The following UST variants were observed in gnomAD, a reference collection of about 807,000 sequenced individuals.
The protein encoded by UST is chondroitin sulfate 2-O-sulfotransferase.
Under a neutral mutation model 45.6 loss-of-function variants are expected in UST, and 21 were observed. That is an observed-to-expected ratio of 0.46 (90% CI 0.33 to 0.66). The LOEUF is 0.66. Ranked by LOEUF, UST falls within the 30% of genes least tolerant of loss-of-function variation. The pLI is 0.02. For missense variants in UST, 463 were observed against 512.4 expected, an observed-to-expected ratio of 0.90 and a Z score of 0.93; for synonymous variants, 215 against 200.6, an observed-to-expected ratio of 1.07 and a Z score of -0.61.
At chr6:149,010,731 A>G (rs1775791761) in intron 5 of UST, among the ~76,000 whole-genome samples, 1 of 151,746 alleles carries the variant, frequency 6.6e-6, no homozygotes, top group African/African-American at 2.4e-5. Context: ...TATCTCTACT[A>G]AAAATACAAA....
At chr6:148,819,387 A>G (rs572312869) in intron 1 of UST, among the ~76,000 whole-genome samples, 1 of 152,396 alleles carries the variant, frequency 6.6e-6, no homozygotes, top group Admixed American at 6.5e-5. Flanking sequence ...CCCTGGGGTC[A>G]GAAAACTAAG....
intron 3 of UST, among the ~76,000 whole-genome samples, chr6:148,941,724 G>A (rs763727125): frequency 6.6e-6 from 1 of 152,108 alleles, no homozygotes; most frequent in Non-Finnish European, 1.5e-5. Context: ...ATCTCAAAGA[G>A]TCATACCACC....
intron 5 of UST, among the ~76,000 whole-genome samples, chr6:148,989,217 C>T (rs545569051): frequency 1.1e-5 from 1 of 91,136 alleles, no homozygotes; most frequent in Non-Finnish European, 2.6e-5. Context: ...AGGCCCCCCC[C>T]CACCCCCCGC....
At chr6:148,999,309 A>G (rs566814669) in intron 5 of UST, among the ~76,000 whole-genome samples, 49 of 152,350 alleles carry the variant, frequency 3.2e-4, no homozygotes, top group African/African-American at 1.1e-3. Flanking sequence ...CATAATTCAA[A>G]TAAAAATTTC....
chr6:148,877,608 G>GGGGA (rs1778704441), intron 1 of UST, among the ~76,000 whole-genome samples: 4 of 141,732 alleles, frequency 2.8e-5, no homozygotes, highest in Admixed American at 7.0e-5. Context: ...GTATGAGTGG[G>GGGGA]TCGTGTATGA....
At chr6:148,780,330 A>T (rs966629171) in intron 1 of UST, among the ~76,000 whole-genome samples, 8 of 152,074 alleles carry the variant, frequency 5.3e-5, no homozygotes, top group Admixed American at 3.3e-4. Context: ...CAGGTTTGTT[A>T]TATAGGTAAA....
At chr6:148,995,001 G>A (rs919016934) in intron 5 of UST, among the ~76,000 whole-genome samples, 2 of 151,918 alleles carry the variant, frequency 1.3e-5, no homozygotes, top group Non-Finnish European at 2.9e-5. Context: ...TAGCCATCCT[G>A]TAAAAGAATT....
chr6:149,025,000 A>G (rs150576984), intron 7 of UST, among the ~76,000 whole-genome samples: 1,690 of 152,312 alleles, frequency 0.011, 15 homozygotes, highest in Non-Finnish European at 0.017. Flanking sequence ...CCTCTCTAGC[A>G]ATACTAAAAA....
intron 5 of UST, among the ~76,000 whole-genome samples, chr6:149,012,151 G>A (rs1457445496): frequency 6.6e-6 from 1 of 152,184 alleles, no homozygotes; most frequent in East Asian, 1.9e-4. Context: ...TGAGAATTCC[G>A]AAGGACACTT....
intron 1 of UST, among the ~76,000 whole-genome samples, chr6:148,861,692 G>A (rs142408916): frequency 7.9e-5 from 12 of 152,306 alleles, no homozygotes; most frequent in African/African-American, 2.9e-4. Flanking sequence ...ATTCTGGTAT[G>A]TTGTGTCTTT....
chr6:148,808,645 G>A (rs1777196169), intron 1 of UST, among the ~76,000 whole-genome samples: 2 of 152,028 alleles, frequency 1.3e-5, no homozygotes, highest in South Asian at 2.1e-4. Flanking sequence ...GGATATGGGT[G>A]GATTTAATAC....
At chr6:149,019,553 A>G (rs1047207423) in intron 6 of UST, among the ~76,000 whole-genome samples, 1 of 152,196 alleles carries the variant, frequency 6.6e-6, no homozygotes, top group African/African-American at 2.4e-5. Context: ...CTCTTTGGAT[A>G]AAATGACAAA....
chr6:148,905,414 C>A (rs1222554355), intron 2 of UST, among the ~76,000 whole-genome samples: 7 of 152,222 alleles, frequency 4.6e-5, no homozygotes, highest in African/African-American at 1.7e-4. Context: ...CCTTCAGCTC[C>A]CCTTCCTCCA....
At chr6:148,814,235 G>C (rs1193504063) in intron 1 of UST, among the ~76,000 whole-genome samples, 1 of 148,440 alleles carries the variant, frequency 6.7e-6, no homozygotes, top group East Asian at 1.9e-4. Context: ...AGGAGTGTGT[G>C]GGGAGGAGCT....
At chr6:148,989,640 G>A (rs1781310160) in intron 5 of UST, among the ~76,000 whole-genome samples, 1 of 152,184 alleles carries the variant, frequency 6.6e-6, no homozygotes, top group African/African-American at 2.4e-5. Context: ...GTCCTTCCAG[G>A]TGAACAGAGA....
At chr6:148,770,295 A>G (rs1404507059) in intron 1 of UST, among the ~76,000 whole-genome samples, 1 of 151,170 alleles carries the variant, frequency 6.6e-6, no homozygotes, top group Non-Finnish European at 1.5e-5. Flanking sequence ...GCATTGAAGC[A>G]TAAATAGGCA....
chr6:148,913,759 A>T (rs892908176), intron 2 of UST, among the ~76,000 whole-genome samples: 1 of 152,180 alleles, frequency 6.6e-6, no homozygotes, highest in East Asian at 1.9e-4. Flanking sequence ...ACCAAGGAAA[A>T]ATATTAAGTC....
At chr6:148,862,452 A>G (rs1047710826) in intron 1 of UST, among the ~76,000 whole-genome samples, 1 of 152,048 alleles carries the variant, frequency 6.6e-6, no homozygotes, top group Admixed American at 6.6e-5. Context: ...TCTTTATCCA[A>G]TTTGCCAGTC....
chr6:148,946,683 G>A (rs572857933), intron 3 of UST, among the ~76,000 whole-genome samples: 4 of 149,898 alleles, frequency 2.7e-5, no homozygotes, highest in East Asian at 3.9e-4. Flanking sequence ...GCGTGGTGGC[G>A]GGTGCCTGTA....
Sources: allele counts gnomAD v4.1 joint callset (sites outside exome capture counted in the v4.1 genomes callset), GRCh38; gene constraint gnomAD v4.1.1; transcripts MANE v1.5; gene names NCBI Gene and HGNC (gene_info 2026-07-23, HGNC 2026-07-21).